The following NRG3 variants were observed in gnomAD, a reference collection of about 807,000 sequenced individuals.
NRG3 encodes neuregulin 3.
NRG3 carries 31 observed loss-of-function variants against 66.9 expected under a neutral mutation model. The ratio of observed to expected loss-of-function variants is 0.46; its 90% CI spans 0.35 to 0.63. The LOEUF (loss-of-function observed/expected upper bound fraction) is 0.63, where lower values mean the gene tolerates loss of function less well. Ranked by LOEUF, NRG3 falls within the 20% of genes least tolerant of loss-of-function variation. The pLI, the probability that NRG3 is intolerant of heterozygous loss-of-function variation, is 0.00. For missense variants in NRG3, 910 were observed against 878.9 expected, an observed-to-expected ratio of 1.04 and a Z score of -0.45; for synonymous variants, 393 against 359.4, an observed-to-expected ratio of 1.09 and a Z score of -1.06.
chr10:82,906,325 C>G (rs1333208), intron 4 of NRG3, among the ~76,000 whole-genome samples: 1 of 152,058 alleles, frequency 6.6e-6, no homozygotes, highest in Non-Finnish European at 1.5e-5. Flanking sequence ...TACTACTTTT[C>G]ATGACAGCAA....
chr10:82,544,375 C>T (rs1393621866), intron 2 of NRG3, among the ~76,000 whole-genome samples: 1 of 152,102 alleles, frequency 6.6e-6, no homozygotes, highest in Non-Finnish European at 1.5e-5. Flanking sequence ...TGTGGTAATG[C>T]AGTAGAGTGA....
chr10:82,742,630 G>A (rs1261349676), intron 3 of NRG3, among the ~76,000 whole-genome samples: 2 of 152,136 alleles, frequency 1.3e-5, no homozygotes, highest in African/African-American at 4.8e-5. Context: ...TTTGGTCAGA[G>A]TCAAGAGGAA....
At chr10:81,926,111 A>G (rs1056967447) in intron 1 of NRG3, among the ~76,000 whole-genome samples, 2 of 151,810 alleles carry the variant, frequency 1.3e-5, no homozygotes, top group African/African-American at 4.8e-5. Flanking sequence ...TTGCTACTTT[A>G]TTTATTTATT....
chr10:82,665,407 G>A (rs190921253), intron 2 of NRG3, among the ~76,000 whole-genome samples: 9 of 152,216 alleles, frequency 5.9e-5, no homozygotes, highest in Admixed American at 5.2e-4. Flanking sequence ...TTCTACCCAT[G>A]ACCTTGACGG....
chr10:81,875,312 G>T lies in NRG3; in HGVS notation c.-29G>T. ...CCCATGCCTCTGCCGCGGCCCTCGG[G>T]GGGGCGAAGGTGAAGACCGGCTCCT... On this transcript the variant is annotated 5_prime_UTR_variant, in exon 1 of 9. Transcript: ENST00000372141. This position sits in a 1 kb window ranked among gnomAD's most constrained non-coding sequence, Gnocchi z 5.3. 1.0e-6 allele frequency: 1 copy of T among 984,300 alleles called. No homozygotes were observed. The highest frequency in any genetic ancestry group is 1.2e-6 in the Non-Finnish European group (1 of 830,518). The allele number at this position is 984,300 out of a possible 1,614,324, so 61.0% of individuals were successfully genotyped here.
At position 82,408,223 on chromosome 10, in the gene NRG3, C is replaced by G. The variant is rs1488716394; in HGVS notation, c.953+49355C>G. Among the ~76,000 whole-genome samples, 4 of 152,104 alleles carry G rather than the reference C, an allele frequency of 2.6e-5. No homozygotes were observed. The East Asian group carries it at 7.7e-4, about 29-fold the overall frequency. On this transcript the variant is annotated intron_variant, in intron 2 of 8. Coordinates refer to ENST00000372141, the MANE Select transcript of NRG3 (RefSeq NM_001010848.4). The stretch of plus-strand genomic sequence containing the variant: ...ATGTTATTACAGAAAACAGAAAGGA[C>G]AGGTACTTAAAGTGGTCAGAGAAGG...
At chr10:81,986,835 C>A (rs989840036) in intron 1 of NRG3, among the ~76,000 whole-genome samples, 3 of 152,120 alleles carry the variant, frequency 2.0e-5, no homozygotes, top group African/African-American at 4.8e-5. Context: ...CCACCATTCC[C>A]AGCTAATTTT....
chr10:82,605,993 A>T (rs2047940481), intron 2 of NRG3, among the ~76,000 whole-genome samples: 1 of 152,016 alleles, frequency 6.6e-6, no homozygotes, highest in African/African-American at 2.4e-5. Flanking sequence ...AAAGAATCAG[A>T]TTTTCTCTGT....
chr10:82,441,718 T>A (rs966808814), intron 2 of NRG3, among the ~76,000 whole-genome samples: 1 of 151,992 alleles, frequency 6.6e-6, no homozygotes, highest in Non-Finnish European at 1.5e-5. Context: ...TAATAACAGA[T>A]GAAAATAAGG....
chr10:82,102,834 T>G (rs2066839910), intron 1 of NRG3, among the ~76,000 whole-genome samples: 1 of 151,972 alleles, frequency 6.6e-6, no homozygotes, highest in South Asian at 2.1e-4. Context: ...CTATATACAT[T>G]GAAAACTCCA....
rs752449812 is a variant in NRG3 at position 81,998,830 on chromosome 10, G to A, written c.823+122667G>A. ...CCTCACTTTTTAAAAAACATAGCAT[G>A]AAAACTTTGTGTGTGTGTGTCTGTT... is the stretch of plus-strand genomic sequence containing the variant. On this transcript the variant is annotated intron_variant, in intron 1 of 8. Transcript: ENST00000372141. Among the ~76,000 whole-genome samples the A allele has an allele frequency of 4.6e-5, 7 of 152,116 alleles. No homozygotes were observed. In the South Asian group the frequency reaches 1.0e-3, roughly 22 times the overall value.
intron 1 of NRG3, among the ~76,000 whole-genome samples, chr10:81,999,776 G>A (rs536859533): frequency 2.0e-4 from 31 of 152,198 alleles, no homozygotes; most frequent in African/African-American, 6.5e-4. Context: ...CTTCATTTAC[G>A]TCTTCAATAT....
chr10:82,489,162 G>A (rs546635269), intron 2 of NRG3, among the ~76,000 whole-genome samples: 5 of 152,316 alleles, frequency 3.3e-5, no homozygotes, highest in Admixed American at 2.6e-4. Flanking sequence ...ACCAACTAGT[G>A]TGATTAAAAT....
chr10:82,842,459 A>C (rs999492476), intron 3 of NRG3, among the ~76,000 whole-genome samples: 12 of 152,166 alleles, frequency 7.9e-5, no homozygotes, highest in African/African-American at 2.9e-4. Flanking sequence ...ATTGGTCAGA[A>C]CTCAGAAACT....
At chr10:81,997,611 G>A (rs1179517850) in intron 1 of NRG3, among the ~76,000 whole-genome samples, 7 of 151,984 alleles carry the variant, frequency 4.6e-5, no homozygotes, top group Admixed American at 6.6e-5. Flanking sequence ...CGGAGGCTCC[G>A]TTTCTTCATC....
chr10:81,906,009 T>G (rs1391428682), intron 1 of NRG3, among the ~76,000 whole-genome samples: 2 of 152,172 alleles, frequency 1.3e-5, no homozygotes, highest in Non-Finnish European at 2.9e-5. Context: ...GTAATATGTC[T>G]TAGGGGCAAG....
At chr10:82,787,183 A>C (rs1219012500) in intron 3 of NRG3, among the ~76,000 whole-genome samples, 1 of 151,876 alleles carries the variant, frequency 6.6e-6, no homozygotes, top group African/African-American at 2.4e-5. Context: ...TCTCTCTTAC[A>C]CTCAAAACTA....
At chr10:82,138,064 C>T (rs1348303544) in intron 1 of NRG3, among the ~76,000 whole-genome samples, 3 of 151,932 alleles carry the variant, frequency 2.0e-5, no homozygotes, top group Admixed American at 1.3e-4. Flanking sequence ...TTTTCATTGC[C>T]CTCTATAGCT....
chr10:82,911,656 A>G (rs1845332524), intron 4 of NRG3, among the ~76,000 whole-genome samples: 1 of 151,392 alleles, frequency 6.6e-6, no homozygotes, highest in Non-Finnish European at 1.5e-5. Context: ...TGGCTTTTAG[A>G]GGTTTAACAA....
Sources: gnomAD v4.1 joint callset for allele counts (sites outside exome capture counted in the v4.1 genomes callset) on GRCh38, gnomAD v4.1.1 for gene constraint, Gnocchi (gnomAD v3.1) non-coding constraint, MANE v1.5 for transcripts, NCBI Gene and HGNC (gene_info 2026-07-23, HGNC 2026-07-21) for gene names.